KYNU: variants seen among roughly 807,000 people sequenced by gnomAD.
The protein encoded by KYNU is kynureninase.
KYNU carries 54 observed loss-of-function variants against 59.2 expected under a neutral mutation model. The observed-to-expected ratio is 0.91, with a 90% CI of 0.73 to 1.14. KYNU has a LOEUF of 1.14. KYNU is among the 50% of genes most tolerant of loss of function. KYNU has a pLI of 0.00. For missense variants in KYNU, 567 were observed against 554.4 expected (o/e 1.02, Z -0.23); for synonymous variants, 177 against 192.0 (o/e 0.92, Z 0.65).
chr2:142,941,422 TG>T (rs1461973674), intron 4 of KYNU, among the ~76,000 whole-genome samples: 2 of 152,214 alleles, frequency 1.3e-5, no homozygotes, highest in Non-Finnish European at 1.5e-5. Context: ...TTAAATTAGA[TG>T]TGTTTGGTCC....
At chr2:142,889,166 G>T (rs1558902574) in intron 2 of KYNU, among the ~76,000 whole-genome samples, 1 of 152,044 alleles carries the variant, frequency 6.6e-6, no homozygotes. Flanking sequence ...CATGGCTGAT[G>T]TTTCTATAAC....
chr2:142,966,068 G>C (rs1037514288), intron 8 of KYNU, among the ~76,000 whole-genome samples: 1 of 151,954 alleles, frequency 6.6e-6, no homozygotes, highest in African/African-American at 2.4e-5. Flanking sequence ...AAAGCAAGAG[G>C]AATCAAGACT....
chr2:142,896,661 C>T (rs1194547104), intron 2 of KYNU, among the ~76,000 whole-genome samples: 1 of 152,038 alleles, frequency 6.6e-6, no homozygotes, highest in Non-Finnish European at 1.5e-5. Flanking sequence ...AAATCTCCTG[C>T]TAATTTTAAC....
intron 2 of KYNU, among the ~76,000 whole-genome samples, chr2:142,906,875 C>G (rs2104960240): frequency 6.6e-6 from 1 of 152,260 alleles, no homozygotes; most frequent in South Asian, 2.1e-4. Flanking sequence ...CTTGGCATCC[C>G]TAGGAAAATT....
chr2:143,006,944 A>C (rs1685926112), intron 10 of KYNU, among the ~76,000 whole-genome samples: 1 of 152,022 alleles, frequency 6.6e-6, no homozygotes, highest in Admixed American at 6.5e-5. Context: ...AGATAAAACC[A>C]CAAAGATGGG....
intron 12 of KYNU, among the ~76,000 whole-genome samples, chr2:143,037,893 T>A (rs1686931634): frequency 6.6e-6 from 1 of 152,216 alleles, no homozygotes; most frequent in Non-Finnish European, 1.5e-5. Context: ...AATTTAAAAG[T>A]GCCTCAGAAT....
intron 4 of KYNU, among the ~76,000 whole-genome samples, chr2:142,928,038 T>A (rs1377117580): frequency 1.3e-5 from 2 of 152,218 alleles, no homozygotes; most frequent in Non-Finnish European, 2.9e-5. Flanking sequence ...AATTTATAAT[T>A]GAATACATTT....
chr2:142,921,904 T>G (rs1682898172), intron 3 of KYNU, among the ~76,000 whole-genome samples: 2 of 152,212 alleles, frequency 1.3e-5, no homozygotes, highest in Admixed American at 1.3e-4. Context: ...TCTTCAGTTT[T>G]CATTCTCACT....
chr2:142,920,475 C>G (rs1362586634), intron 3 of KYNU, among the ~76,000 whole-genome samples: 1 of 152,098 alleles, frequency 6.6e-6, no homozygotes, highest in African/African-American at 2.4e-5. Flanking sequence ...TATATTCTGC[C>G]CTGCTATTCT....
intron 10 of KYNU, among the ~76,000 whole-genome samples, chr2:142,988,252 A>T (rs145722317): frequency 6.0e-4 from 91 of 152,082 alleles, no homozygotes; most frequent in Non-Finnish European, 1.0e-3. Context: ...CTGACCCCTA[A>T]GTACTTCGTT....
rs995797665 is a variant in KYNU at position 143,047,646 on chromosome 2, A to G, written c.*5474A>G. On this transcript the variant is annotated 3_prime_UTR_variant, in exon 14 of 14. Coordinates refer to ENST00000264170, the MANE Select transcript of KYNU (RefSeq NM_003937.3). ...ATAGCTCACTGCAACCTCCAACTCA[A>G]ACACTTGAGTGATCCTCTGTCCCCC... 6.6e-6 allele frequency: 1 copy of G among 151,000 alleles called. No homozygotes were observed. Among genetic ancestry groups the G allele is most frequent in the Non-Finnish European group, 1.5e-5 (1 of 67,764 alleles). The allele number at this position is 151,000 out of a possible 1,614,324, so 9.4% of individuals were successfully genotyped here.
At chr2:142,887,050 G>C (rs528289461) in intron 2 of KYNU, among the ~76,000 whole-genome samples, 22 of 151,976 alleles carry the variant, frequency 1.4e-4, no homozygotes, top group African/African-American at 5.1e-4. Context: ...GGCGCCTGTA[G>C]TCCCAGCTGC....
rs1684158208 is a variant in KYNU at position 142,956,196 on chromosome 2, A to T, written c.436-7A>T. On this transcript the variant is annotated splice_region_variant and splice_polypyrimidine_tract_variant and intron_variant, in intron 5 of 13. Coordinates refer to ENST00000264170, the MANE Select transcript of KYNU (RefSeq NM_003937.3). ...AATGCTTTCTCAATAAATCCATTTT[A>T]TTGCAGTTATCATTTTTTAAGCCTA... 5 of 1,501,170 alleles carry T rather than the reference A, an allele frequency of 3.3e-6. No individual in the cohort carries two copies. Among genetic ancestry groups the T allele is most frequent in the Non-Finnish European group, 4.6e-6 (5 of 1,078,792 alleles). 93.0% of individuals were successfully genotyped at this position (1,501,170 alleles called of 1,614,324 possible). A position where few individuals can be genotyped will look rare whatever the true frequency, so the allele number is the denominator to read the frequency against.
At chr2:142,900,344 C>T (rs565941645) in intron 2 of KYNU, among the ~76,000 whole-genome samples, 1 of 152,284 alleles carries the variant, frequency 6.6e-6, no homozygotes, top group African/African-American at 2.4e-5. Context: ...GTAACAAACA[C>T]GGACCAAAAG....
intron 10 of KYNU, among the ~76,000 whole-genome samples, chr2:143,015,723 T>G (rs571314153): frequency 2.0e-3 from 309 of 152,158 alleles, no homozygotes; most frequent in African/African-American, 6.6e-3. Context: ...CATAGATTTG[T>G]GAGCGTATAA....
chr2:142,927,519 T>C, intron 3 of KYNU, 140 bp from the exon 4 acceptor site: 2 of 611,976 alleles, frequency 3.3e-6, no homozygotes, highest in Non-Finnish European at 5.9e-6. Context: ...TATTTTGTTT[T>C]AAAAAGGCCT....
At chr2:142,983,601 A>G (rs4609990) in intron 8 of KYNU, among the ~76,000 whole-genome samples, 9,652 of 152,128 alleles carry the variant, frequency 0.063, 617 homozygotes, top group East Asian at 0.21. Context: ...TTACTAGGAT[A>G]CACTTAAGCA....
At chr2:142,897,750 T>C (rs914396578) in intron 2 of KYNU, among the ~76,000 whole-genome samples, 2 of 152,208 alleles carry the variant, frequency 1.3e-5, no homozygotes, top group East Asian at 3.8e-4. Flanking sequence ...AGTCATAATA[T>C]GTTAACATTT....
chr2:142,907,026 G>C (rs549054749), intron 2 of KYNU, among the ~76,000 whole-genome samples: 1 of 152,254 alleles, frequency 6.6e-6, no homozygotes, highest in African/African-American at 2.4e-5. Flanking sequence ...CAGGTGCCCG[G>C]TATTTTCCTC....
Sources: allele counts gnomAD v4.1 joint callset (sites outside exome capture counted in the v4.1 genomes callset), GRCh38; gene constraint gnomAD v4.1.1; transcripts MANE v1.5; gene names NCBI Gene and HGNC (gene_info 2026-07-23, HGNC 2026-07-21).